The following SESTD1 variants were observed in gnomAD, a reference collection of about 807,000 sequenced individuals.
SESTD1 encodes the protein SEC14 domain and spectrin repeat-containing protein 1.
Under a neutral mutation model 101.7 loss-of-function variants are expected in SESTD1, and 43 were observed. That is an observed-to-expected ratio of 0.42 (90% CI 0.33 to 0.55). The LOEUF (loss-of-function observed/expected upper bound fraction) is 0.55, where lower values mean the gene tolerates loss of function less well. Among genes scored for constraint, SESTD1 ranks in the 20% least tolerant of loss-of-function variants. SESTD1 has a pLI of 0.07. For synonymous variants in SESTD1, 283 were observed against 286.8 expected (o/e 0.99, Z 0.13); for missense variants, 647 against 815.1 (o/e 0.79, Z 2.51).
At position 179,109,861 on chromosome 2, in the gene SESTD1, G is replaced by C. The variant is rs2044467441; in HGVS notation, c.*38C>G. 5.6e-6 allele frequency: 9 copies of C among 1,609,272 alleles called. No homozygotes were observed. Among genetic ancestry groups the C allele is most frequent in the Non-Finnish European group, 7.6e-6 (9 of 1,177,656 alleles). On this transcript the variant is annotated 3_prime_UTR_variant, in exon 18 of 18. Coordinates refer to ENST00000428443, the MANE Select transcript of SESTD1 (RefSeq NM_178123.5). ...TGCTGTAGTATGTTGACAACATGCGGGATTATGAACTGCAAATCTGTAGGT... is the reference window on the plus strand; with the variant it reads ...TGCTGTAGTATGTTGACAACATGCGCGATTATGAACTGCAAATCTGTAGGT...
intron 5 of SESTD1, among the ~76,000 whole-genome samples, chr2:179,153,081 T>C (rs1009105420): frequency 6.6e-6 from 1 of 152,176 alleles, no homozygotes; most frequent in African/African-American, 2.4e-5. Context: ...ATTTCGTTGA[T>C]AGCAATGGTT....
At chr2:179,258,711 A>G (rs2047436973) in intron 1 of SESTD1, among the ~76,000 whole-genome samples, 1 of 152,114 alleles carries the variant, frequency 6.6e-6, no homozygotes, top group Non-Finnish European at 1.5e-5. Context: ...ACACACCACT[A>G]TCAAACCAGC....
At chr2:179,113,866 A>T (rs1483212387) in intron 16 of SESTD1, among the ~76,000 whole-genome samples, 1 of 113,170 alleles carries the variant, frequency 8.8e-6, no homozygotes, top group African/African-American at 5.8e-5. Context: ...ACTCTGTCTC[A>T]AAAAAAAAAA....
intron 1 of SESTD1, among the ~76,000 whole-genome samples, chr2:179,200,981 A>C (rs1275720274): frequency 7.4e-6 from 1 of 134,454 alleles, no homozygotes; most frequent in African/African-American, 3.0e-5. Context: ...CAGAGTGAAC[A>C]GGCAACCTAC....
chr2:179,188,233 C>G (rs974665093), intron 2 of SESTD1, among the ~76,000 whole-genome samples: 1 of 152,192 alleles, frequency 6.6e-6, no homozygotes, highest in African/African-American at 2.4e-5. Flanking sequence ...CAACCATACT[C>G]TCAGATCACA....
intron 10 of SESTD1, among the ~76,000 whole-genome samples, chr2:179,125,484 A>G (rs62175449): frequency 0.056 from 8,470 of 152,278 alleles, 317 homozygotes; most frequent in South Asian, 0.14. Context: ...GTAGCCGAAC[A>G]TGGGTAGACT....
intron 2 of SESTD1, among the ~76,000 whole-genome samples, chr2:179,183,414 T>C (rs2046152947): frequency 6.6e-6 from 1 of 152,124 alleles, no homozygotes. Context: ...CACCCAAACA[T>C]AGCAAATATC....
rs1448695285 is a variant in SESTD1 at position 179,208,569 on chromosome 2, T to C, written c.-25-16703A>G. Reference sequence around the variant, plus strand: ...CCAGAAGGGATTGGGGTCCTATCTTTAGCCTCCTTAATCAAAATAATTATC... The same window carrying C: ...CCAGAAGGGATTGGGGTCCTATCTTCAGCCTCCTTAATCAAAATAATTATC... On this transcript the variant is annotated intron_variant, in intron 1 of 17. Transcript: ENST00000428443. Among the ~76,000 whole-genome samples the C allele has an allele frequency of 1.5e-5, 2 of 135,160 alleles. 1 individual carries two copies. The highest frequency in any genetic ancestry group is 5.8e-5 in the African/African-American group (2 of 34,290). 88.7% of individuals were successfully genotyped at this position (135,160 alleles called of 152,430 possible).
intron 9 of SESTD1, among the ~76,000 whole-genome samples, chr2:179,143,213 T>G (rs1396893298): frequency 6.6e-6 from 1 of 152,124 alleles, no homozygotes; most frequent in Non-Finnish European, 1.5e-5. Flanking sequence ...GTTATTTTGT[T>G]AGGATAGAAA....
At chr2:179,178,913 A>G (rs572893615) in intron 3 of SESTD1, among the ~76,000 whole-genome samples, 1 of 152,350 alleles carries the variant, frequency 6.6e-6, no homozygotes, top group East Asian at 1.9e-4. Context: ...TAAGACTAAG[A>G]AAGTAATGAA....
chr2:179,132,565 A>G, intron 9 of SESTD1, 139 bp from the exon 10 acceptor site: 1 of 968,524 alleles, frequency 1.0e-6, no homozygotes, highest in Non-Finnish European at 1.4e-6. Context: ...TAGGCAGTAA[A>G]TGTTTCTTTT....
chr2:179,151,233 C>T (rs753676788), intron 6 of SESTD1, 45 bp downstream of exon 6: 1 of 1,248,296 alleles, frequency 8.0e-7, no homozygotes, highest in East Asian at 2.6e-5. Flanking sequence ...CAAAATATAT[C>T]TTATTTCTAT....
In SESTD1 at chr2:179,105,558, A is replaced by T. The variant is rs949613492; in HGVS notation, c.*4341T>A. On this transcript the variant is annotated 3_prime_UTR_variant, in exon 18 of 18. Coordinates refer to ENST00000428443, the MANE Select transcript of SESTD1 (RefSeq NM_178123.5). Reference sequence around the variant, plus strand: ...GTGGAACTAAGGGGGTGGGGCGGCGAACATAGGCAATATGCCATTTCCTCA... The same window carrying T: ...GTGGAACTAAGGGGGTGGGGCGGCGTACATAGGCAATATGCCATTTCCTCA... 5 of 152,104 alleles carry T rather than the reference A, an allele frequency of 3.3e-5. No individual in the cohort carries two copies. Among genetic ancestry groups the T allele is most frequent in the African/African-American group, 1.2e-4 (5 of 41,436 alleles). The allele number at this position is 152,104 out of a possible 1,614,324, so 9.4% of individuals were successfully genotyped here. A position where few individuals can be genotyped will look rare whatever the true frequency, so the allele number is the denominator to read the frequency against.
chr2:179,182,259 A>AACAC lies in SESTD1; in HGVS notation c.164+817_164+820dup, dbSNP rs200342356. 2.0e-3 allele frequency among the ~76,000 whole-genome samples: 307 copies of AACAC among 150,238 alleles called. 5 individuals are homozygous for AACAC. The East Asian group carries it at 0.052, about 26-fold the overall frequency. ...TCTACCTCTACATTGTACACACACA[A>AACAC]ACACACACACACACACACAGAAACC... On this transcript the variant is annotated intron_variant, in intron 3 of 17. Transcript: ENST00000428443.
At chr2:179,237,393 G>A (rs1221739147) in intron 1 of SESTD1, among the ~76,000 whole-genome samples, 4 of 152,236 alleles carry the variant, frequency 2.6e-5, no homozygotes, top group Non-Finnish European at 5.9e-5. Flanking sequence ...GGCGTAATTT[G>A]ATCCTTGTTT....
intron 10 of SESTD1, among the ~76,000 whole-genome samples, chr2:179,130,319 T>C (rs1575430310): frequency 6.6e-6 from 1 of 152,258 alleles, no homozygotes. Flanking sequence ...GATATTAGAA[T>C]AATCTATAAG....
intron 7 of SESTD1, among the ~76,000 whole-genome samples, chr2:179,147,658 C>A (rs2045426070): frequency 6.6e-6 from 1 of 152,144 alleles, no homozygotes; most frequent in African/African-American, 2.4e-5. Context: ...CCGCGCCCAG[C>A]CTGAACAAGA....
chr2:179,248,917 CAA>C (rs1473118625), intron 1 of SESTD1, among the ~76,000 whole-genome samples: 10 of 102,722 alleles, frequency 9.7e-5, no homozygotes, highest in Admixed American at 3.1e-4. Flanking sequence ...CCTGTCTGTA[CAA>C]AAAAAAAAAA....
At chr2:179,131,119 A>G (rs986684031) in intron 10 of SESTD1, among the ~76,000 whole-genome samples, 2 of 152,138 alleles carry the variant, frequency 1.3e-5, no homozygotes, top group African/African-American at 4.8e-5. Context: ...ATCTCTTATT[A>G]TTCCTTCAGC....
Sources: gnomAD v4.1 joint callset for allele counts (sites outside exome capture counted in the v4.1 genomes callset) on GRCh38, gnomAD v4.1.1 for gene constraint, MANE v1.5 for transcripts, NCBI Gene and HGNC (gene_info 2026-07-23, HGNC 2026-07-21) for gene names.